COQ2: variants seen among roughly 807,000 people sequenced by gnomAD.
The protein encoded by COQ2 is 4-hydroxybenzoate polyprenyltransferase, mitochondrial.
In COQ2, 25 loss-of-function variants were observed where a neutral mutation model predicts 35.7. That is an observed-to-expected ratio of 0.70 (90% CI 0.51 to 0.98). The LOEUF is 0.98. COQ2 is among the 50% of genes least tolerant of loss of function. The pLI is 0.00. For missense variants in COQ2, 488 were observed against 473.5 expected (o/e 1.03, Z -0.28); for synonymous variants, 206 against 186.2 (o/e 1.11, Z -0.86).
chr4:83,284,632 G>T lies in COQ2; in HGVS notation c.133C>A (p.Pro45Thr), dbSNP rs772952822. Residue 45 changes from proline (P) to threonine (T), a missense_variant, in exon 1 of 7, where the codon CCC becomes ACC. Pro to Thr is a conservative substitution (Grantham distance 38). Transcript: ENST00000647002. ...AGAPHGGDLQ[P>T]PACPEPRGRQ... ...CCGCGCGGCTCGGGACAGGCGGGGG[G>T]CTGCAAGTCACCACCGTGGGGCGCG... is the stretch of plus-strand genomic sequence containing the variant. 5 of 1,509,136 alleles carry T rather than the reference G, an allele frequency of 3.3e-6. No individual in the cohort carries two copies. In the Admixed American group the frequency reaches 6.5e-5, roughly 20 times the overall value. 93.5% of individuals were successfully genotyped at this position (1,509,136 alleles called of 1,614,324 possible).
intron 4 of COQ2, among the ~76,000 whole-genome samples, chr4:83,271,449 C>T (rs139781889): frequency 1.8e-3 from 281 of 152,254 alleles, no homozygotes; most frequent in African/African-American, 6.5e-3. Context: ...CCTACCCCAT[C>T]CCCCAAATTC....
At chr4:83,276,101 T>C (rs146860869) in intron 2 of COQ2, among the ~76,000 whole-genome samples, 1,498 of 143,234 alleles carry the variant, frequency 0.01, 37 homozygotes, top group African/African-American at 0.039. Context: ...TATTCATATA[T>C]ATACATATAG....
At chr4:83,269,316 A>G (rs76526971) in intron 5 of COQ2, among the ~76,000 whole-genome samples, 104 of 152,322 alleles carry the variant, frequency 6.8e-4, no homozygotes, top group African/African-American at 2.3e-3. Context: ...TTAAAGTGAC[A>G]ATGACAAAGA....
chr4:83,274,533 T>C (rs886655074), intron 2 of COQ2, among the ~76,000 whole-genome samples: 6 of 142,726 alleles, frequency 4.2e-5, no homozygotes, highest in African/African-American at 1.5e-4. Flanking sequence ...CAGATAAAAA[T>C]TTGTTGATGT....
At chr4:83,277,528 C>T (rs28444790) in intron 2 of COQ2, among the ~76,000 whole-genome samples, 12,313 of 152,252 alleles carry the variant, frequency 0.081, 628 homozygotes, top group African/African-American at 0.13. Context: ...AGCAAGTTCT[C>T]TGGTGAACAC....
intron 2 of COQ2, among the ~76,000 whole-genome samples, chr4:83,274,664 GT>G (rs1393839065): frequency 6.6e-6 from 1 of 152,150 alleles, no homozygotes; most frequent in Admixed American, 6.5e-5. Flanking sequence ...AGGATTCTGT[GT>G]GTTTATCGTG....
At chr4:83,283,696 T>G in intron 1 of COQ2, 1 of 985,438 alleles carries the variant, frequency 1.0e-6, no homozygotes, top group Non-Finnish European at 1.2e-6. Context: ...GCTTTTTCTA[T>G]CTCTATGGCC....
intron 2 of COQ2, among the ~76,000 whole-genome samples, 196 bp downstream of exon 2, chr4:83,278,750 ACT>A (rs1289967655): frequency 6.6e-6 from 1 of 152,140 alleles, no homozygotes; most frequent in Non-Finnish European, 1.5e-5. Context: ...CCCTGGGGCC[ACT>A]CTTGTGTTGA....
intron 5 of COQ2, 148 bp downstream of exon 5, chr4:83,269,712 T>C (rs895233784): frequency 2.5e-5 from 19 of 764,720 alleles, no homozygotes; most frequent in Non-Finnish European, 3.7e-5. Flanking sequence ...ACTTTCTTTT[T>C]AGAAAAAAAA....
intron 1 of COQ2, among the ~76,000 whole-genome samples, chr4:83,279,546 A>G (rs1257992471): frequency 6.6e-6 from 1 of 152,180 alleles, no homozygotes; most frequent in Non-Finnish European, 1.5e-5. Context: ...TGTGAAGGAC[A>G]ACTTAAAAAT....
chr4:83,284,599 G>A lies in COQ2; in HGVS notation c.166C>T (p.Leu56Phe). 2 of 1,537,444 alleles carry A rather than the reference G, an allele frequency of 1.3e-6. No individual in the cohort carries two copies. Among genetic ancestry groups the A allele is most frequent in the Non-Finnish European group, 8.7e-7 (1 of 1,142,936 alleles). ...PACPEPRGRQ[L>F]SLSAAAVVDS... Reference sequence around the variant, plus strand: ...ACCACCGCCGCCGCGGACAAACTGAGCTGGCGCCCGCGCGGCTCGGGACAG... The same window carrying A: ...ACCACCGCCGCCGCGGACAAACTGAACTGGCGCCCGCGCGGCTCGGGACAG... Residue 56 changes from leucine to phenylalanine, a missense_variant, in exon 1 of 7, where the codon CTC (leucine) becomes TTC (phenylalanine). By Grantham distance (22) the Leu-to-Phe change is conservative. Coordinates refer to ENST00000647002, the MANE Select transcript of COQ2 (RefSeq NM_001358921.2).
At chr4:83,265,947 G>A (rs760110870) in intron 6 of COQ2, among the ~76,000 whole-genome samples, 1 of 152,280 alleles carries the variant, frequency 6.6e-6, no homozygotes, top group Non-Finnish European at 1.5e-5. Context: ...TTACAGGCGT[G>A]AGCCACTGCG....
rs1439486305 is a variant in COQ2, at chr4:83,284,729, G to A, written c.36C>T (p.Gly12=). 2 of 1,519,204 alleles carry A rather than the reference G, an allele frequency of 1.3e-6. No homozygotes were observed. The highest frequency in any genetic ancestry group is 1.8e-6 in the Non-Finnish European group (2 of 1,138,952). The allele number at this position is 1,519,204 out of a possible 1,614,324, so 94.1% of individuals were successfully genotyped here. A position where few individuals can be genotyped will look rare whatever the true frequency, so the allele number is the denominator to read the frequency against. ...LGSRAAGFAR[G]LRAVALAWLP... ...GCCACGCCAGTGCCACAGCCCGCAG[G>A]CCCCGCGCGAACCCCGCGGCTCGCG... Residue 12 remains glycine, a synonymous_variant, in exon 1 of 7, where the codon GGC becomes GGT. Coordinates refer to ENST00000647002, the MANE Select transcript of COQ2 (RefSeq NM_001358921.2).
intron 2 of COQ2, among the ~76,000 whole-genome samples, chr4:83,277,965 C>T (rs1735223018): frequency 7.7e-6 from 1 of 130,204 alleles, no homozygotes; most frequent in Non-Finnish European, 1.6e-5. Context: ...AGTGAAACTC[C>T]ATCTCAAAAC....
At chr4:83,272,023 A>C (rs768364179) in intron 4 of COQ2, 64 bp downstream of exon 4, 9 of 1,025,054 alleles carry the variant, frequency 8.8e-6, no homozygotes, top group African/African-American at 3.3e-5. Flanking sequence ...CTATTTACCT[A>C]TCTCTCCATA....
In COQ2 at chr4:83,273,349, T is replaced by C. The variant is rs185233594; in HGVS notation, c.542+147A>G. ...CATTCTTGAAGCAGATTTAAAAATG[T>C]GTGGTGAGTTACTTACACTTGCTAA... On this transcript the variant is annotated intron_variant, in intron 3 of 6. Transcript: ENST00000647002. 497 of 711,742 alleles carry C rather than the reference T, an allele frequency of 7.0e-4. 1 individual carries two copies. Among genetic ancestry groups the C allele is most frequent in the Non-Finnish European group, 9.3e-4 (417 of 447,100 alleles). 44.1% of individuals were successfully genotyped at this position (711,742 alleles called of 1,614,324 possible).
Position 83,284,536 on chromosome 4 carries a change from G to A in COQ2, c.229C>T (p.Leu77Phe), listed in dbSNP as rs866027828. Residue 77 changes from leucine to phenylalanine, a missense_variant, in exon 1 of 7, where the codon CTC becomes TTC. Leu to Phe is a conservative substitution (Grantham distance 22, BLOSUM62 0). Transcript: ENST00000647002. ...CCAATGGGCTTGTCCAACCGCATGAGGCGCAAGTACGGCTGCAGGGGGCGG... is the reference window on the plus strand; with the variant it reads ...CCAATGGGCTTGTCCAACCGCATGAAGCGCAAGTACGGCTGCAGGGGGCGG... ...APRPLQPYLR[L>F]MRLDKPIGTW... 3 of 1,576,404 alleles carry A rather than the reference G, an allele frequency of 1.9e-6. No homozygotes were observed. The highest frequency in any genetic ancestry group is 1.8e-5 in the Admixed American group (1 of 55,324).
At chr4:83,279,712 T>C (rs887162832) in intron 1 of COQ2, among the ~76,000 whole-genome samples, 1 of 152,074 alleles carries the variant, frequency 6.6e-6, no homozygotes, top group Admixed American at 6.6e-5. Context: ...GGGAACTGCA[T>C]GGACAGGAGA....
At chr4:83,272,297 T>C in intron 3 of COQ2, 125 bp from the exon 4 acceptor site, 1 of 525,972 alleles carries the variant, frequency 1.9e-6, no homozygotes. Flanking sequence ...TTATATTTTA[T>C]GTAAGTTATC....
Sources: gnomAD v4.1 joint callset for allele counts (sites outside exome capture counted in the v4.1 genomes callset) on GRCh38, gnomAD v4.1.1 for gene constraint, MANE v1.5 for transcripts, NCBI Gene and HGNC (gene_info 2026-07-23, HGNC 2026-07-21) for gene names.